CPNE4: variants seen among roughly 807,000 people sequenced by gnomAD.
The protein encoded by CPNE4 is copine-4.
CPNE4 carries 25 observed loss-of-function variants against 67.9 expected under a neutral mutation model. That is an observed-to-expected ratio of 0.37 (90% CI 0.27 to 0.51). The LOEUF (loss-of-function observed/expected upper bound fraction) is 0.51. Ranked by LOEUF, CPNE4 falls within the 20% of genes least tolerant of loss-of-function variation. The probability of loss-of-function intolerance (pLI) is 0.93; values close to 1 mark genes in which losing one functional copy is unlikely to be tolerated. For synonymous variants in CPNE4, 242 were observed against 244.9 expected, an observed-to-expected ratio of 0.99 and a Z score of 0.11; for missense variants, 464 against 690.8, an observed-to-expected ratio of 0.67 and a Z score of 3.68.
chr3:131,647,578 A>C (rs1477973565), intron 7 of CPNE4, among the ~76,000 whole-genome samples: 3 of 152,208 alleles, frequency 2.0e-5, no homozygotes, highest in Admixed American at 2.0e-4. Context: ...ATTCATATGA[A>C]GATCCTAGAG....
intron 7 of CPNE4, among the ~76,000 whole-genome samples, chr3:131,600,974 T>C (rs1001703391): frequency 2.0e-5 from 3 of 152,194 alleles, no homozygotes; most frequent in Non-Finnish European, 4.4e-5. Context: ...TACATTTTCA[T>C]TAATGGGGCA....
chr3:131,577,853 G>A lies in CPNE4; in HGVS notation c.868-2723C>T, dbSNP rs576067669. Among the ~76,000 whole-genome samples the A allele has an allele frequency of 1.2e-4, 18 of 152,224 alleles. No individual in the cohort carries two copies. In the East Asian group the frequency reaches 2.9e-3, roughly 25 times the overall value. ...TCCATTATAATCTTATGGGAGTACT[G>A]TCATATCGGTGGTCCATCATTGACA... On this transcript the variant is annotated intron_variant, in intron 9 of 15. Transcript: ENST00000429747.
intron 2 of CPNE4, among the ~76,000 whole-genome samples, chr3:131,792,925 G>GTATATATATA (rs71622076): frequency 5.2e-5 from 7 of 135,238 alleles, no homozygotes; most frequent in South Asian, 4.8e-4. Context: ...GTGTGTGTGT[G>GTATATATATA]TATCTCCAAC....
chr3:131,845,042 G>C lies in CPNE4; in HGVS notation c.180+60222C>G, dbSNP rs147150760. On this transcript the variant is annotated intron_variant, in intron 2 of 15. Coordinates refer to ENST00000429747, the MANE Select transcript of CPNE4 (RefSeq NM_130808.3). The stretch of plus-strand genomic sequence containing the variant: ...TACTTCAAACTATATTTCAAAATCA[G>C]GGGAGAGAAAACGATGACTTGTGAA... Among the ~76,000 whole-genome samples the C allele has an allele frequency of 2.1e-3, 320 of 152,244 alleles. 4 individuals are homozygous for C. Among genetic ancestry groups the C allele is most frequent in the Non-Finnish European group, 1.8e-3 (120 of 68,016 alleles).
At chr3:131,592,841 A>G (rs1020793707) in intron 7 of CPNE4, among the ~76,000 whole-genome samples, 1 of 152,154 alleles carries the variant, frequency 6.6e-6, no homozygotes, top group Admixed American at 6.5e-5. Context: ...GTTTCCACAC[A>G]AAAGGATGCA....
At chr3:131,580,280 T>C (rs1340601976) in intron 9 of CPNE4, among the ~76,000 whole-genome samples, 1 of 152,146 alleles carries the variant, frequency 6.6e-6, no homozygotes, top group Non-Finnish European at 1.5e-5. Context: ...TAGACTACAG[T>C]ATAGTGTAAA....
At chr3:131,608,474 C>T (rs1939634498) in intron 7 of CPNE4, among the ~76,000 whole-genome samples, 2 of 152,074 alleles carry the variant, frequency 1.3e-5, no homozygotes, top group Admixed American at 1.3e-4. Context: ...TGTGGGTCTT[C>T]TAGGTACAAG....
At chr3:131,844,746 A>C (rs565558814) in intron 2 of CPNE4, among the ~76,000 whole-genome samples, 1 of 152,178 alleles carries the variant, frequency 6.6e-6, no homozygotes, top group Non-Finnish European at 1.5e-5. Flanking sequence ...TTAAGGTGTT[A>C]TTATCATTTT....
At chr3:131,881,023 G>A (rs4854853) in intron 2 of CPNE4, among the ~76,000 whole-genome samples, 41,192 of 151,858 alleles carry the variant, frequency 0.27, 5,781 homozygotes, top group Admixed American at 0.35. Context: ...AAATTGGCCC[G>A]GTACTCACAG....
chr3:131,826,055 C>T (rs1227339947), intron 2 of CPNE4, among the ~76,000 whole-genome samples: 2 of 152,170 alleles, frequency 1.3e-5, no homozygotes, highest in Non-Finnish European at 2.9e-5. Flanking sequence ...ACATTCTTTC[C>T]TAAACCTCAT....
chr3:131,751,776 T>C (rs1342157611), intron 2 of CPNE4, among the ~76,000 whole-genome samples: 2 of 124,044 alleles, frequency 1.6e-5, no homozygotes, highest in African/African-American at 5.1e-5. Flanking sequence ...TTTTTTTTTG[T>C]TTTTTTGTTT....
chr3:131,745,857 A>T (rs1176858681), intron 2 of CPNE4, among the ~76,000 whole-genome samples: 1 of 152,120 alleles, frequency 6.6e-6, no homozygotes, highest in Non-Finnish European at 1.5e-5. Flanking sequence ...CTTCTTTTAC[A>T]AAGTTGTTTT....
chr3:132,009,429 C>A (rs2073692993), intron 1 of CPNE4, among the ~76,000 whole-genome samples: 1 of 152,166 alleles, frequency 6.6e-6, no homozygotes, highest in Non-Finnish European at 1.5e-5. Context: ...TATGTTCATA[C>A]CACTGAAGCA....
At chr3:131,549,453 AT>A (rs1433180097) in intron 14 of CPNE4, among the ~76,000 whole-genome samples, 2 of 152,078 alleles carry the variant, frequency 1.3e-5, no homozygotes, top group Non-Finnish European at 2.9e-5. Flanking sequence ...CTTGGTTTGC[AT>A]TTTTCTTAAG....
intron 2 of CPNE4, among the ~76,000 whole-genome samples, chr3:131,779,335 C>A (rs1456937871): frequency 6.6e-6 from 1 of 151,942 alleles, no homozygotes; most frequent in Non-Finnish European, 1.5e-5. Context: ...TTAAAAAAAT[C>A]TAAAATTCAT....
chr3:131,907,856 T>G (rs958251677), intron 1 of CPNE4, among the ~76,000 whole-genome samples: 1 of 152,114 alleles, frequency 6.6e-6, no homozygotes, highest in African/African-American at 2.4e-5. Flanking sequence ...TTTGGAGAGT[T>G]GCAATTCTGG....
At chr3:131,947,684 C>T (rs1044683662) in intron 1 of CPNE4, among the ~76,000 whole-genome samples, 1 of 152,140 alleles carries the variant, frequency 6.6e-6, no homozygotes, top group Non-Finnish European at 1.5e-5. Flanking sequence ...GTAAACGGTG[C>T]TGCAATAAAC....
chr3:131,548,647 A>G (rs929570734), intron 14 of CPNE4, among the ~76,000 whole-genome samples: 3 of 152,100 alleles, frequency 2.0e-5, no homozygotes, highest in Admixed American at 1.3e-4. Context: ...AGGTGGGAAT[A>G]TATTTGGTGT....
chr3:132,007,297 T>C (rs907794704), intron 1 of CPNE4, among the ~76,000 whole-genome samples: 2 of 152,140 alleles, frequency 1.3e-5, no homozygotes, highest in Non-Finnish European at 2.9e-5. Flanking sequence ...AGATGAGACG[T>C]GACTCAAATT....
Sources: gnomAD v4.1 joint callset for allele counts (sites outside exome capture counted in the v4.1 genomes callset) on GRCh38, gnomAD v4.1.1 for gene constraint, MANE v1.5 for transcripts, NCBI Gene and HGNC (gene_info 2026-07-23, HGNC 2026-07-21) for gene names.